AGAP9: variants seen among roughly 807,000 people sequenced by gnomAD.
AGAP9 encodes ArfGAP with GTPase domain, ankyrin repeat and PH domain 9.
AGAP9 carries 23 observed loss-of-function variants against 55.6 expected under a neutral mutation model. That is an observed-to-expected ratio of 0.41 (90% CI 0.30 to 0.59). The LOEUF is 0.59. Ranked by LOEUF, AGAP9 falls within the 20% of genes least tolerant of loss-of-function variation. The pLI is 0.25. For synonymous variants in AGAP9, 120 were observed against 305.0 expected (o/e 0.39, Z 6.32); for missense variants, 309 against 808.1 (o/e 0.38, Z 7.49).
rs4013540 is a variant in AGAP9 at position 47,502,743 on chromosome 10, A to C, written c.1386T>G (p.Ser462Arg). The change falls in exon 8 of 8, where the codon AGT becomes AGG. Residue 462 changes from serine to arginine, a missense_variant. Coordinates refer to ENST00000452145, the MANE Select transcript of AGAP9 (RefSeq NM_001190810.1). Reference sequence around the variant, plus strand: ...GGATCGACTGCAGGGCCATGGCCTCACTCTGGCTGGTCAGCTGGGACTTGC... The same window carrying C: ...GGATCGACTGCAGGGCCATGGCCTCCCTCTGGCTGGTCAGCTGGGACTTGC... ...SKSKSQLTSQ[S>R]EAMALQSIQN... 3 of 1,535,150 alleles carry C rather than the reference A, an allele frequency of 2.0e-6. No individual in the cohort carries two copies. The highest frequency in any genetic ancestry group is 2.3e-5 in the South Asian group (2 of 87,204).
chr10:47,510,940 A>G (rs1188989683), intron 4 of AGAP9, among the ~76,000 whole-genome samples: 1 of 127,702 alleles, frequency 7.8e-6, no homozygotes, highest in Non-Finnish European at 1.6e-5. Flanking sequence ...TAATTAATTT[A>G]TTTATTTATT....
chr10:47,502,443 C>T lies in AGAP9; in HGVS notation c.1686G>A (p.Glu562=). ...TKPSIKSTRE[E]KEWWIRSKYE... is the part of the protein sequence containing the mutation. Reference sequence around the variant, plus strand: ...ATTTGGAACGGATCCACCATTCCTTCTCTTCCCTCGTGGACTTTATTGAGG... The same window carrying T: ...ATTTGGAACGGATCCACCATTCCTTTTCTTCCCTCGTGGACTTTATTGAGG... Residue 562 remains glutamate (E), a synonymous_variant, in exon 8 of 8, where the codon GAG becomes GAA. Coordinates refer to ENST00000452145, the MANE Select transcript of AGAP9 (RefSeq NM_001190810.1). 6.2e-7 allele frequency: 1 copy of T among 1,612,268 alleles called. No homozygotes were observed.
chr10:47,507,934 G>T (rs1840516759), intron 5 of AGAP9, among the ~76,000 whole-genome samples: 1 of 88,630 alleles, frequency 1.1e-5, no homozygotes, highest in Non-Finnish European at 2.2e-5. Flanking sequence ...TGTCTCTCTT[G>T]CTCAGACTGG....
chr10:47,502,877 C>A lies in AGAP9; in HGVS notation c.1252G>T (p.Gly418Cys), dbSNP rs1236984726. ...GTGGCTTCAAAGTGCCACGTTTGGC[C>A]AGTGGCAGACACAATCATAAAGTTG... ...TNNFMIVSAT[G>C]QTWHFEATTY... Residue 418 changes from glycine (G) to cysteine (C), a missense_variant, in exon 8 of 8, where the codon GGC becomes TGC. Physicochemically the swap from Gly to Cys is radical, Grantham distance 159. Transcript: ENST00000452145. 6.2e-7 allele frequency: 1 copy of A among 1,604,682 alleles called. No individual in the cohort carries two copies. The highest frequency in any genetic ancestry group is 1.4e-5 in the African/African-American group (1 of 72,504).
intron 5 of AGAP9, 83 bp downstream of exon 5, chr10:47,510,088 C>T (rs1187535374): frequency 6.8e-6 from 10 of 1,460,778 alleles, no homozygotes; most frequent in Non-Finnish European, 9.1e-6. Flanking sequence ...ATTTCTTAAG[C>T]TGATTGCTGA....
intron 2 of AGAP9, among the ~76,000 whole-genome samples, chr10:47,520,954 T>C (rs1236325003): frequency 8.2e-6 from 1 of 122,512 alleles, no homozygotes; most frequent in African/African-American, 3.6e-5. Context: ...ACAGTCTATT[T>C]TATAGGCAAA....
At position 47,510,915 on chromosome 10, in the gene AGAP9, T is replaced by TATTA. The variant is rs1204375731; in HGVS notation, c.397-648_397-645dup. Among the ~76,000 whole-genome samples the TATTA allele has an allele frequency of 6.4e-3, 832 of 130,876 alleles. 37 individuals are homozygous for TATTA. The highest frequency in any genetic ancestry group is 9.5e-3 in the Non-Finnish European group (592 of 62,396). 85.9% of individuals were successfully genotyped at this position (130,876 alleles called of 152,430 possible). On this transcript the variant is annotated intron_variant, in intron 4 of 7. Coordinates refer to ENST00000452145, the MANE Select transcript of AGAP9 (RefSeq NM_001190810.1). ...GCAATAAAAAGCAGCCAAGAATTTC[T>TATTA]ATTAATTAATTAATTAATTAATTTA...
chr10:47,505,431 T>C (rs1328113395), intron 6 of AGAP9, among the ~76,000 whole-genome samples: 2 of 130,698 alleles, frequency 1.5e-5, no homozygotes, highest in Non-Finnish European at 3.2e-5. Context: ...TAAAAATTAA[T>C]GTTGTTAAAT....
intron 4 of AGAP9, among the ~76,000 whole-genome samples, chr10:47,510,798 C>T (rs1840596297): frequency 1.0e-5 from 1 of 97,916 alleles, no homozygotes; most frequent in African/African-American, 5.0e-5. Flanking sequence ...CCACTGCACT[C>T]CAGGCCGGGA....
chr10:47,504,869 T>C (rs1840444574), intron 6 of AGAP9, among the ~76,000 whole-genome samples: 1 of 132,042 alleles, frequency 7.6e-6, no homozygotes, highest in African/African-American at 2.7e-5. Context: ...TTTTTTTTTT[T>C]TTTTGAGACC....
In AGAP9 at chr10:47,520,871, G is replaced by A. The variant is rs1840812734; in HGVS notation, c.293-304C>T. On this transcript the variant is annotated intron_variant, in intron 2 of 7. Coordinates refer to ENST00000452145, the MANE Select transcript of AGAP9 (RefSeq NM_001190810.1). ...AAAAAAAAAAAAAAAAGAAGAAGAG[G>A]TAAATTTTGGCTTTGAGTTGTGTAA... Among the ~76,000 whole-genome samples the A allele has an allele frequency of 6.9e-5, 9 of 130,856 alleles. No homozygotes were observed. In the South Asian group the frequency reaches 2.0e-3, roughly 30 times the overall value. The allele number at this position is 130,856 out of a possible 152,430, so 85.8% of individuals were successfully genotyped here. A position where few individuals can be genotyped will look rare whatever the true frequency, so the allele number is the denominator to read the frequency against.
chr10:47,503,501 T>A lies in AGAP9; in HGVS notation c.628A>T (p.Ser210Cys). Residue 210 changes from serine (S) to cysteine (C), a missense_variant, in exon 8 of 8, where the codon AGT (serine) becomes TGT (cysteine). Coordinates refer to ENST00000452145, the MANE Select transcript of AGAP9 (RefSeq NM_001190810.1). The part of the protein sequence containing the change: ...HIMKKRNGGG[S>C]LNNYSSSIPP... ...ATGGAGGAGGAATAGTTATTTAAAC[T>A]CCCACCTCCATTTCTTTTCTTCATA... 6.2e-7 allele frequency: 1 copy of A among 1,606,802 alleles called. No individual in the cohort carries two copies. The highest frequency in any genetic ancestry group is 8.5e-7 in the Non-Finnish European group (1 of 1,178,552).
rs1397645687 is a variant in AGAP9, at chr10:47,509,935, G to C, written c.497+236C>G. On this transcript the variant is annotated intron_variant, in intron 5 of 7. Coordinates refer to ENST00000452145, the MANE Select transcript of AGAP9 (RefSeq NM_001190810.1). ...CTCACTGTGTTCAACATTGTCTAAAGGCATAAAGACATCAAAAAGACACAC... is the reference window on the plus strand; with the variant it reads ...CTCACTGTGTTCAACATTGTCTAAACGCATAAAGACATCAAAAAGACACAC... Among the ~76,000 whole-genome samples, 10 of 141,790 alleles carry C rather than the reference G, an allele frequency of 7.1e-5. 1 individual carries two copies. The South Asian group carries it at 2.0e-3, about 29-fold the overall frequency. The allele number at this position is 141,790 out of a possible 152,430, so 93.0% of individuals were successfully genotyped here.
In AGAP9 at chr10:47,507,677, C is replaced by T. The variant is rs1458915765; in HGVS notation, c.498-94G>A. The T allele has an allele frequency of 1.2e-4, 171 of 1,422,388 alleles. 22 individuals carry two copies. Among genetic ancestry groups the T allele is most frequent in the South Asian group, 1.2e-3 (102 of 84,882 alleles). 88.1% of individuals were successfully genotyped at this position (1,422,388 alleles called of 1,614,324 possible). A position where few individuals can be genotyped will look rare whatever the true frequency, so the allele number is the denominator to read the frequency against. The stretch of plus-strand genomic sequence containing the variant: ...AGGGGGGCAGAGGAAACTCTCCTAG[C>T]GGCCCTGAAATTCAAATCTTCTAGT... On this transcript the variant is annotated intron_variant, in intron 5 of 7. Transcript: ENST00000452145.
At chr10:47,522,486 C>T (rs1341144687) in intron 2 of AGAP9, among the ~76,000 whole-genome samples, 4 of 150,734 alleles carry the variant, frequency 2.7e-5, no homozygotes, top group Admixed American at 1.3e-4. Flanking sequence ...AAGCACTCTC[C>T]TTTTTTCTTT....
At chr10:47,515,833 C>G (rs3902299) in intron 4 of AGAP9, among the ~76,000 whole-genome samples, 13 of 115,790 alleles carry the variant, frequency 1.1e-4, no homozygotes, top group South Asian at 3.0e-4. Context: ...AAAAGCTAGT[C>G]AGGCTTCTAA....
At chr10:47,506,662 CAG>C (rs1238967037) in intron 6 of AGAP9, among the ~76,000 whole-genome samples, 1 of 142,678 alleles carries the variant, frequency 7.0e-6, no homozygotes, top group Non-Finnish European at 1.5e-5. Context: ...TTTGTTTAGA[CAG>C]AGTCTTGCTC....
chr10:47,519,066 G>A (rs1483777862), intron 3 of AGAP9, among the ~76,000 whole-genome samples: 1 of 136,062 alleles, frequency 7.3e-6, no homozygotes, highest in African/African-American at 2.9e-5. Flanking sequence ...CTTAATGTTG[G>A]AGACAGGGCC....
chr10:47,519,177 T>A (rs1323305663), intron 3 of AGAP9, among the ~76,000 whole-genome samples: 1 of 136,336 alleles, frequency 7.3e-6, no homozygotes, highest in Non-Finnish European at 1.5e-5. Flanking sequence ...TTTAAAAGGC[T>A]GTGGTACTGG....
Sources: gnomAD v4.1 joint callset for allele counts (sites outside exome capture counted in the v4.1 genomes callset) on GRCh38, gnomAD v4.1.1 for gene constraint, MANE v1.5 for transcripts, NCBI Gene and HGNC (gene_info 2026-07-23, HGNC 2026-07-21) for gene names.